DPH6: variants seen among roughly 807,000 people sequenced by gnomAD.
The protein encoded by DPH6 is diphthine--ammonia ligase.
In DPH6, 33 loss-of-function variants were observed where a neutral mutation model predicts 38.2. That is an observed-to-expected ratio of 0.86 (90% CI 0.65 to 1.15). The LOEUF (loss-of-function observed/expected upper bound fraction) is 1.15. Among genes scored for constraint, DPH6 ranks in the 50% most tolerant of loss-of-function variants. The pLI is 0.00. For missense variants in DPH6, 325 were observed against 320.0 expected, an observed-to-expected ratio of 1.02 and a Z score of -0.12; for synonymous variants, 108 against 103.0, an observed-to-expected ratio of 1.05 and a Z score of -0.30.
the DPH6 span, among the ~76,000 whole-genome samples, chr15:35,186,819 G>A: frequency 7.0e-4 from 107 of 152,234 alleles, no homozygotes; most frequent in Non-Finnish European, 1.4e-3. Flanking sequence ...AGAAACTGGG[G>A]CCCCTTTTCC....
intron 3 of DPH6, among the ~76,000 whole-genome samples, chr15:35,281,240 C>T (rs1003281686): frequency 3.0e-4 from 45 of 152,272 alleles, no homozygotes; most frequent in African/African-American, 1.1e-3. Context: ...CAAGCAAACT[C>T]TTATTTTTAG....
intron 4 of DPH6, among the ~76,000 whole-genome samples, chr15:35,452,582 A>T (rs2053949784): frequency 6.6e-6 from 1 of 151,846 alleles, no homozygotes; most frequent in Admixed American, 6.6e-5. Context: ...AAATATCACT[A>T]TTTTTTTCAT....
intron 3 of DPH6, among the ~76,000 whole-genome samples, chr15:35,232,897 G>A (rs2051527812): frequency 1.3e-5 from 2 of 152,154 alleles, no homozygotes; most frequent in Admixed American, 1.3e-4. Context: ...GTACAATAAT[G>A]TTCAACTGCA....
At chr15:35,480,129 A>C (rs892145667) in intron 3 of DPH6, among the ~76,000 whole-genome samples, 2 of 152,028 alleles carry the variant, frequency 1.3e-5, no homozygotes, top group African/African-American at 4.8e-5. Flanking sequence ...AAAAAACAAA[A>C]TAAAAATTTA....
intron 3 of DPH6, among the ~76,000 whole-genome samples, chr15:35,251,000 A>T (rs1377143740): frequency 6.6e-6 from 1 of 152,186 alleles, no homozygotes; most frequent in Non-Finnish European, 1.5e-5. Flanking sequence ...ACATATGTTC[A>T]ATTAGTCTCC....
At chr15:35,213,895 A>G (rs575432031), downstream of DPH6, among the ~76,000 whole-genome samples, 306 of 152,174 alleles carry the variant, frequency 2.0e-3, 2 homozygotes, top group Middle Eastern at 0.024. Context: ...GGTGGATCAC[A>G]AGGTCAGGAG....
intron 3 of DPH6, among the ~76,000 whole-genome samples, chr15:35,504,734 AT>A (rs2054672320): frequency 6.6e-6 from 1 of 152,056 alleles, no homozygotes; most frequent in South Asian, 2.1e-4. Flanking sequence ...CATAATCTTA[AT>A]TAATCACTGT....
intron 6 of DPH6, among the ~76,000 whole-genome samples, chr15:35,390,769 T>G (rs549292553): frequency 2.0e-5 from 3 of 152,350 alleles, no homozygotes; most frequent in African/African-American, 7.2e-5. Flanking sequence ...GTTTTTAACT[T>G]CTTTGCCATT....
intron 3 of DPH6, among the ~76,000 whole-genome samples, chr15:35,466,468 T>C (rs1170317218): frequency 1.3e-5 from 2 of 152,134 alleles, no homozygotes; most frequent in Admixed American, 6.5e-5. Context: ...TTTGATTAGT[T>C]TGAGATAACT....
intron 3 of DPH6, among the ~76,000 whole-genome samples, chr15:35,455,913 T>C (rs2053990320): frequency 1.3e-5 from 2 of 152,182 alleles, no homozygotes; most frequent in South Asian, 4.1e-4. Context: ...AAAGTTAATA[T>C]TTCAAGTCAT....
At chr15:35,425,079 T>C (rs1446639549) in intron 5 of DPH6, among the ~76,000 whole-genome samples, 1 of 151,616 alleles carries the variant, frequency 6.6e-6, no homozygotes, top group African/African-American at 2.4e-5. Flanking sequence ...CAGCAACCAA[T>C]ACAAGTAGTA....
At chr15:35,298,648 C>T in intron 3 of DPH6, 2 of 1,187,184 alleles carry the variant, frequency 1.7e-6, no homozygotes, top group Non-Finnish European at 2.5e-6. Context: ...TGCTGGTCTT[C>T]TCCACCGAAA....
the DPH6 span, among the ~76,000 whole-genome samples, chr15:35,171,781 T>C: frequency 6.6e-6 from 1 of 152,032 alleles, no homozygotes; most frequent in Non-Finnish European, 1.5e-5. Flanking sequence ...GGGACTTAAA[T>C]ATAAACACAA....
intron 3 of DPH6, among the ~76,000 whole-genome samples, chr15:35,248,102 G>A (rs1383898669): frequency 3.3e-5 from 5 of 152,124 alleles, no homozygotes; most frequent in Admixed American, 6.5e-5. Flanking sequence ...AAAAGTATAC[G>A]CTTTTGTTGA....
intron 6 of DPH6, chr15:35,401,682 G>A (rs2053221726): frequency 1.3e-6 from 1 of 744,692 alleles, no homozygotes; most frequent in East Asian, 2.5e-5. Flanking sequence ...TGGTGTTGGA[G>A]GCCAATACTT....
At chr15:35,285,350 G>A (rs961091161) in intron 3 of DPH6, among the ~76,000 whole-genome samples, 2 of 152,062 alleles carry the variant, frequency 1.3e-5, no homozygotes, top group African/African-American at 4.8e-5. Context: ...CTAGTGGGAG[G>A]TAATTGAAAC....
chr15:35,429,266 T>G (rs556910994), intron 5 of DPH6, among the ~76,000 whole-genome samples: 1 of 152,318 alleles, frequency 6.6e-6, no homozygotes, highest in South Asian at 2.1e-4. Context: ...TTCTCTTCAG[T>G]GCTATTGTTT....
chr15:35,341,314 T>G (rs2052420011), intron 3 of DPH6, among the ~76,000 whole-genome samples: 2 of 151,878 alleles, frequency 1.3e-5, no homozygotes. Context: ...GAATATTTCA[T>G]GCTCTTTTAG....
intron 4 of DPH6, among the ~76,000 whole-genome samples, chr15:35,452,643 T>C (rs1335668059): frequency 6.6e-6 from 1 of 152,182 alleles, no homozygotes; most frequent in Non-Finnish European, 1.5e-5. Context: ...ATTGCAGAGA[T>C]TGTTGCGTGT....
Sources: gnomAD v4.1 joint callset for allele counts (sites outside exome capture counted in the v4.1 genomes callset) on GRCh38, gnomAD v4.1.1 for gene constraint, MANE v1.5 for transcripts, NCBI Gene and HGNC (gene_info 2026-07-23, HGNC 2026-07-21) for gene names.